The following RBMS1 variants were observed in gnomAD, a reference collection of about 807,000 sequenced individuals.
RBMS1 encodes the protein RNA-binding motif, single-stranded-interacting protein 1.
A neutral mutation model predicts 62.3 loss-of-function variants in RBMS1; 17 were observed. The observed-to-expected ratio is 0.27, with a 90% CI of 0.19 to 0.41. The LOEUF (loss-of-function observed/expected upper bound fraction) is 0.41, where lower values mean the gene tolerates loss of function less well. RBMS1 is among the 10% of genes least tolerant of loss of function. The pLI is 1.00. For synonymous variants in RBMS1, 172 were observed against 170.0 expected, an observed-to-expected ratio of 1.01 and a Z score of -0.09; for missense variants, 334 against 504.5, an observed-to-expected ratio of 0.66 and a Z score of 3.24.
intron 2 of RBMS1, among the ~76,000 whole-genome samples, chr2:160,318,680 A>C (rs1440792470): frequency 6.6e-6 from 1 of 152,216 alleles, no homozygotes; most frequent in African/African-American, 2.4e-5. Flanking sequence ...TATTCTATTC[A>C]TTTTGGTTCT....
intron 12 of RBMS1, 130 bp from the exon 13 acceptor site, chr2:160,275,844 T>A: frequency 7.6e-7 from 1 of 1,311,658 alleles, no homozygotes; most frequent in Non-Finnish European, 1.0e-6. Flanking sequence ...TCACGTCATG[T>A]AGAGCTTTCA....
chr2:160,348,245 C>T (rs1692295698), intron 2 of RBMS1, among the ~76,000 whole-genome samples: 1 of 152,068 alleles, frequency 6.6e-6, no homozygotes, highest in African/African-American at 2.4e-5. Context: ...TTAAAGGTGT[C>T]TCATTCAAAA....
chr2:160,274,675 CA>C lies in RBMS1; in HGVS notation c.*96del, dbSNP rs1409529165. ...TTTTCAAGAACCTGTGCAAAACTGT[CA>C]ATAATTTCCTAAAGCACAATTGATC... is the stretch of plus-strand genomic sequence containing the variant. On this transcript the variant is annotated 3_prime_UTR_variant, in exon 14 of 14. Transcript: ENST00000348849. The C allele has an allele frequency of 6.6e-6, 1 of 152,398 alleles. No homozygotes were observed. Among genetic ancestry groups the C allele is most frequent in the Non-Finnish European group, 1.5e-5 (1 of 68,004 alleles). The allele number at this position is 152,398 out of a possible 1,614,324, so 9.4% of individuals were successfully genotyped here.
chr2:160,484,139 T>G (rs887102000), intron 1 of RBMS1, among the ~76,000 whole-genome samples: 1 of 151,568 alleles, frequency 6.6e-6, no homozygotes, highest in African/African-American at 2.4e-5. Flanking sequence ...CTCCCCACCC[T>G]GGGTAAGATT....
chr2:160,341,213 G>A (rs1170581584), intron 2 of RBMS1, among the ~76,000 whole-genome samples: 1 of 152,098 alleles, frequency 6.6e-6, no homozygotes, highest in East Asian at 1.9e-4. Flanking sequence ...TTCCTCCAAA[G>A]CAAGATCTGC....
chr2:160,486,471 T>C (rs760444385), intron 1 of RBMS1, among the ~76,000 whole-genome samples: 14 of 152,176 alleles, frequency 9.2e-5, no homozygotes, highest in Admixed American at 2.0e-4. Flanking sequence ...ATGACATCTA[T>C]GAAATGATCT....
intron 1 of RBMS1, among the ~76,000 whole-genome samples, chr2:160,405,157 G>C (rs1441495733): frequency 2.0e-5 from 3 of 152,162 alleles, no homozygotes; most frequent in Admixed American, 1.3e-4. Flanking sequence ...AGTACTCAAT[G>C]AAAGTTAGCT....
intron 1 of RBMS1, among the ~76,000 whole-genome samples, chr2:160,448,548 G>C (rs1421085797): frequency 6.6e-6 from 1 of 152,218 alleles, no homozygotes; most frequent in Non-Finnish European, 1.5e-5. Context: ...TGCCTGCCTC[G>C]GCCTCCCGAG....
At chr2:160,330,094 T>C (rs67496052) in intron 2 of RBMS1, among the ~76,000 whole-genome samples, 39,319 of 151,980 alleles carry the variant, frequency 0.26, 5,713 homozygotes, top group East Asian at 0.53. Flanking sequence ...CTTTTGCTAT[T>C]TCTACTTTGG....
rs569580064 is a variant in RBMS1 at position 160,465,888 on chromosome 2, A to ACACT, written c.75+27400_75+27401insAGTG. On this transcript the variant is annotated intron_variant, in intron 1 of 13. Coordinates refer to ENST00000348849, the MANE Select transcript of RBMS1 (RefSeq NM_016836.4). The stretch of plus-strand genomic sequence containing the variant: ...CATACACACACACACACACACACAC[A>ACACT]CTCTCACATTTCTAGAATTTCAATC... 3.6e-3 allele frequency among the ~76,000 whole-genome samples: 522 copies of ACACT among 145,248 alleles called. 3 individuals carry two copies. Among genetic ancestry groups the ACACT allele is most frequent in the South Asian group, 9.5e-3 (44 of 4,620 alleles).
intron 6 of RBMS1, among the ~76,000 whole-genome samples, chr2:160,294,270 TGA>T (rs1342607373): frequency 6.6e-6 from 1 of 152,204 alleles, no homozygotes; most frequent in African/African-American, 2.4e-5. Context: ...TAAAATATAG[TGA>T]CATCAGACAC....
chr2:160,469,625 A>G (rs1242107634), intron 1 of RBMS1, among the ~76,000 whole-genome samples: 4 of 152,126 alleles, frequency 2.6e-5, no homozygotes, highest in African/African-American at 9.7e-5. Flanking sequence ...TACCCTCAGC[A>G]TTTCTACCCA....
intron 1 of RBMS1, among the ~76,000 whole-genome samples, chr2:160,451,443 A>G (rs1683987817): frequency 6.6e-6 from 1 of 152,170 alleles, no homozygotes. Context: ...TTCCTTTACA[A>G]TGTACAAGTA....
chr2:160,306,256 T>C (rs1317168371), intron 4 of RBMS1, among the ~76,000 whole-genome samples: 1 of 151,932 alleles, frequency 6.6e-6, no homozygotes, highest in Admixed American at 6.6e-5. Flanking sequence ...ATCGACAATG[T>C]AGGCACTAAA....
intron 1 of RBMS1, among the ~76,000 whole-genome samples, chr2:160,486,770 T>C (rs1373405236): frequency 1.3e-5 from 2 of 152,198 alleles, no homozygotes; most frequent in East Asian, 3.8e-4. Context: ...CCAGCCCACA[T>C]TAGACACATT....
At chr2:160,311,522 T>C (rs533370942) in intron 4 of RBMS1, among the ~76,000 whole-genome samples, 28 of 152,184 alleles carry the variant, frequency 1.8e-4, no homozygotes, top group African/African-American at 6.7e-4. Flanking sequence ...AACCTTCTTA[T>C]GTGTATGTAA....
chr2:160,354,266 A>T (rs1463532417), intron 2 of RBMS1, among the ~76,000 whole-genome samples: 1 of 152,162 alleles, frequency 6.6e-6, no homozygotes, highest in Non-Finnish European at 1.5e-5. Context: ...CTCAAAAATC[A>T]GAGCCAAAAT....
chr2:160,377,932 C>T (rs925619352), intron 1 of RBMS1, among the ~76,000 whole-genome samples: 1 of 152,094 alleles, frequency 6.6e-6, no homozygotes, highest in Non-Finnish European at 1.5e-5. Context: ...TTGTTTGTTA[C>T]GAGGATTGCA....
chr2:160,372,722 A>T (rs1412583437), intron 1 of RBMS1, among the ~76,000 whole-genome samples: 1 of 152,212 alleles, frequency 6.6e-6, no homozygotes, highest in African/African-American at 2.4e-5. Context: ...AGTGACTGAG[A>T]GAGGGCTGGG....
Sources: allele counts gnomAD v4.1 joint callset (sites outside exome capture counted in the v4.1 genomes callset), GRCh38; gene constraint gnomAD v4.1.1; transcripts MANE v1.5; gene names NCBI Gene and HGNC (gene_info 2026-07-23, HGNC 2026-07-21).